Variants in SOX5 observed in about 807,000 individuals in gnomAD.
SOX5 encodes the protein SRY-box transcription factor 5.
SOX5 carries 9 observed loss-of-function variants against 92.0 expected under a neutral mutation model. That is an observed-to-expected ratio of 0.10 (90% CI 0.06 to 0.17). SOX5 has a LOEUF of 0.17. Among genes scored for constraint, SOX5 ranks in the 10% least tolerant of loss-of-function variants. The pLI is 1.00. For missense variants in SOX5, 642 were observed against 944.5 expected, an observed-to-expected ratio of 0.68 and a Z score of 4.20; for synonymous variants, 344 against 336.3, an observed-to-expected ratio of 1.02 and a Z score of -0.25.
intron 4 of SOX5, among the ~76,000 whole-genome samples, chr12:24,154,810 C>A (rs952079675): frequency 6.6e-6 from 1 of 151,932 alleles, no homozygotes; most frequent in Non-Finnish European, 1.5e-5. Flanking sequence ...TATAATAATA[C>A]AATTCATAAA....
At chr12:24,316,788 C>CTTTAT (rs756963349) in intron 2 of SOX5, among the ~76,000 whole-genome samples, 1 of 151,982 alleles carries the variant, frequency 6.6e-6, no homozygotes, top group East Asian at 1.9e-4. Flanking sequence ...GTAGGATAGT[C>CTTTAT]TTTATTTTAT....
At chr12:23,595,978 T>C (rs1952351799) in intron 9 of SOX5, among the ~76,000 whole-genome samples, 1 of 152,190 alleles carries the variant, frequency 6.6e-6, no homozygotes, top group South Asian at 2.1e-4. Context: ...TCTCATTAAC[T>C]GGTGGACTCC....
intron 3 of SOX5, among the ~76,000 whole-genome samples, chr12:23,843,371 A>G (rs1029048628): frequency 6.6e-6 from 1 of 152,110 alleles, no homozygotes; most frequent in Non-Finnish European, 1.5e-5. Flanking sequence ...TAACAAATAT[A>G]CCATACTAAT....
At chr12:24,107,914 G>C (rs756287387) in intron 4 of SOX5, among the ~76,000 whole-genome samples, 1 of 152,208 alleles carries the variant, frequency 6.6e-6, no homozygotes. Flanking sequence ...GCAAAGCCAA[G>C]TGAATGGTTA....
At chr12:24,054,965 G>A (rs1042051248) in intron 4 of SOX5, among the ~76,000 whole-genome samples, 5 of 152,068 alleles carry the variant, frequency 3.3e-5, no homozygotes, top group African/African-American at 1.2e-4. Flanking sequence ...ATGGGAATGG[G>A]GGAGAGATTT....
At chr12:24,179,353 C>T (rs1473663157) in intron 4 of SOX5, among the ~76,000 whole-genome samples, 1 of 152,086 alleles carries the variant, frequency 6.6e-6, no homozygotes, top group East Asian at 1.9e-4. Context: ...TTTGGCTTTA[C>T]CACAGTACAA....
At chr12:24,373,670 C>A (rs953136785) in intron 1 of SOX5, among the ~76,000 whole-genome samples, 25 of 152,004 alleles carry the variant, frequency 1.6e-4, no homozygotes, top group African/African-American at 6.0e-4. Flanking sequence ...ACACAGATAT[C>A]AAAATGGATA....
chr12:23,715,019 G>A (rs2092376511), intron 6 of SOX5, among the ~76,000 whole-genome samples: 1 of 152,130 alleles, frequency 6.6e-6, no homozygotes, highest in Non-Finnish European at 1.5e-5. Flanking sequence ...TCTTTGAGAA[G>A]CATAGAGTTT....
At chr12:23,982,981 C>T (rs985284493) in intron 4 of SOX5, among the ~76,000 whole-genome samples, 1 of 151,996 alleles carries the variant, frequency 6.6e-6, no homozygotes, top group Non-Finnish European at 1.5e-5. Context: ...TCATTCTCGG[C>T]CTTCACCAGC....
At chr12:24,213,764 A>T (rs1004782782) in intron 3 of SOX5, among the ~76,000 whole-genome samples, 1 of 152,028 alleles carries the variant, frequency 6.6e-6, no homozygotes, top group Non-Finnish European at 1.5e-5. Flanking sequence ...AATATGAACT[A>T]ATTATTTTGG....
At chr12:23,784,119 G>GA (rs956644647) in intron 3 of SOX5, among the ~76,000 whole-genome samples, 15 of 150,902 alleles carry the variant, frequency 9.9e-5, no homozygotes, top group Admixed American at 7.3e-4. Flanking sequence ...GACGAGAAAG[G>GA]AAAAAAAAAG....
chr12:23,691,129 G>A (rs558057401), intron 6 of SOX5, among the ~76,000 whole-genome samples: 1 of 152,290 alleles, frequency 6.6e-6, no homozygotes, highest in South Asian at 2.1e-4. Context: ...CAGTGAGAAG[G>A]GAAATTTAGA....
chr12:23,933,273 G>A (rs190480507), intron 1 of SOX5, among the ~76,000 whole-genome samples: 13 of 151,630 alleles, frequency 8.6e-5, no homozygotes, highest in East Asian at 5.8e-4. Context: ...CTTTACCCAC[G>A]CTATATATCC....
chr12:24,213,647 G>A (rs1418863568), intron 3 of SOX5, among the ~76,000 whole-genome samples: 17 of 150,542 alleles, frequency 1.1e-4, no homozygotes, highest in African/African-American at 4.1e-4. Context: ...AACAACATCA[G>A]ACTCATACGA....
intron 1 of SOX5, among the ~76,000 whole-genome samples, chr12:24,555,673 A>T (rs1953702540): frequency 6.6e-6 from 1 of 152,190 alleles, no homozygotes; most frequent in Non-Finnish European, 1.5e-5. Context: ...TTTGCAATTG[A>T]GGAAAACAAA....
chr12:24,258,028 C>T (rs1202215157), intron 3 of SOX5, among the ~76,000 whole-genome samples: 1 of 152,128 alleles, frequency 6.6e-6, no homozygotes, highest in South Asian at 2.1e-4. Flanking sequence ...AAAAAATTAG[C>T]TGGGCGCGGT....
At chr12:23,558,279 T>A (rs1250567879) in intron 11 of SOX5, among the ~76,000 whole-genome samples, 2 of 152,314 alleles carry the variant, frequency 1.3e-5, no homozygotes, top group South Asian at 4.1e-4. Context: ...TAAAGTAGTC[T>A]CTTTTCCTTT....
intron 2 of SOX5, among the ~76,000 whole-genome samples, chr12:24,318,870 A>G (rs913670966): frequency 6.6e-6 from 1 of 152,144 alleles, no homozygotes; most frequent in African/African-American, 2.4e-5. Context: ...GCTTCCATTG[A>G]TCATCTAATC....
At chr12:23,939,450 C>T (rs745539278) in intron 1 of SOX5, among the ~76,000 whole-genome samples, 5 of 150,420 alleles carry the variant, frequency 3.3e-5, no homozygotes, top group South Asian at 2.1e-4. Flanking sequence ...AAATTAAAAG[C>T]GGCAGGAATC....
Sources: allele counts gnomAD v4.1 joint callset (sites outside exome capture counted in the v4.1 genomes callset), GRCh38; gene constraint gnomAD v4.1.1; transcripts MANE v1.5; gene names NCBI Gene and HGNC (gene_info 2026-07-23, HGNC 2026-07-21).